PAN3: variants seen among roughly 807,000 people sequenced by gnomAD.
The protein encoded by PAN3 is PAN2-PAN3 deadenylation complex subunit PAN3.
In PAN3, 19 loss-of-function variants were observed where a neutral mutation model predicts 96.2. The ratio of observed to expected loss-of-function variants is 0.20; its 90% CI spans 0.14 to 0.29. The LOEUF (loss-of-function observed/expected upper bound fraction) is 0.29, where lower values mean the gene tolerates loss of function less well. Ranked by LOEUF, PAN3 falls within the 10% of genes least tolerant of loss-of-function variation. The pLI, the probability that PAN3 is intolerant of heterozygous loss-of-function variation, is 1.00. For missense variants in PAN3, 882 were observed against 1,108.1 expected, an observed-to-expected ratio of 0.80 and a Z score of 2.90; for synonymous variants, 433 against 406.6, an observed-to-expected ratio of 1.06 and a Z score of -0.78.
At chr13:28,165,632 T>C (rs1407760284) in intron 1 of PAN3, among the ~76,000 whole-genome samples, 2 of 152,210 alleles carry the variant, frequency 1.3e-5, no homozygotes, top group African/African-American at 2.4e-5. Context: ...AATTTCTTAT[T>C]ATTCTATAGT....
intron 4 of PAN3, among the ~76,000 whole-genome samples, chr13:28,187,786 G>A (rs1484128731): frequency 6.6e-6 from 1 of 152,070 alleles, no homozygotes; most frequent in Non-Finnish European, 1.5e-5. Context: ...TTCAAACTCC[G>A]ACTTCAAGTG....
intron 1 of PAN3, among the ~76,000 whole-genome samples, chr13:28,141,067 G>A (rs534487616): frequency 1.4e-3 from 208 of 147,418 alleles, no homozygotes; most frequent in Middle Eastern, 7.2e-3. Context: ...GCAGTGGTGC[G>A]ATCTCGGCTC....
At chr13:28,198,679 A>G (rs1296812222) in intron 5 of PAN3, among the ~76,000 whole-genome samples, 1 of 152,208 alleles carries the variant, frequency 6.6e-6, no homozygotes, top group Non-Finnish European at 1.5e-5. Context: ...CCAAATTTCA[A>G]TTTAGCCAGA....
At chr13:28,199,872 C>G (rs1402024910) in intron 5 of PAN3, among the ~76,000 whole-genome samples, 1 of 152,124 alleles carries the variant, frequency 6.6e-6, no homozygotes, top group African/African-American at 2.4e-5. Flanking sequence ...TAGGTCCTCT[C>G]AATCCTAGGG....
intron 1 of PAN3, among the ~76,000 whole-genome samples, chr13:28,169,398 G>T (rs112152755): frequency 0.17 from 24,848 of 150,524 alleles, 3,842 homozygotes; most frequent in African/African-American, 0.41. Flanking sequence ...CCTGGCTAAT[G>T]CTTGTATTTT....
Position 28,281,456 on chromosome 13 carries a change from C to G in PAN3, c.2384+77C>G. On this transcript the variant is annotated intron_variant, in intron 17 of 18. Coordinates refer to ENST00000380958, the MANE Select transcript of PAN3 (RefSeq NM_175854.8). ...GCATAATAAGAATAAGTATGCCTGGCTTTATTTGGAAAAAGAGAAAAATTC... is the reference window on the plus strand; with the variant it reads ...GCATAATAAGAATAAGTATGCCTGGGTTTATTTGGAAAAAGAGAAAAATTC... 5.4e-6 allele frequency: 7 copies of G among 1,286,932 alleles called. No homozygotes were observed. The South Asian group carries it at 6.4e-5, about 12-fold the overall frequency. 79.7% of individuals were successfully genotyped at this position (1,286,932 alleles called of 1,614,324 possible).
chr13:28,222,897 T>A (rs375664218), intron 6 of PAN3, among the ~76,000 whole-genome samples: 3 of 152,316 alleles, frequency 2.0e-5, no homozygotes, highest in African/African-American at 7.2e-5. Flanking sequence ...TTAAATACTT[T>A]GACACTTATG....
At chr13:28,141,005 T>TTTTATTTA (rs1334015794) in intron 1 of PAN3, among the ~76,000 whole-genome samples, 151 of 136,910 alleles carry the variant, frequency 1.1e-3, no homozygotes, top group African/African-American at 3.3e-3. Context: ...AAGAGACACT[T>TTTTATTTA]TTTTTTTTTT....
chr13:28,276,171 TGGGACGAG>T (rs1257453770), intron 14 of PAN3, among the ~76,000 whole-genome samples: 10 of 152,172 alleles, frequency 6.6e-5, no homozygotes, highest in African/African-American at 2.4e-4. Context: ...ATACCAAAAT[TGGGACGAG>T]GGGATGGCTA....
At chr13:28,232,073 A>G (rs538720191) in intron 6 of PAN3, among the ~76,000 whole-genome samples, 1 of 152,294 alleles carries the variant, frequency 6.6e-6, no homozygotes, top group Admixed American at 6.5e-5. Context: ...CTTTATATTT[A>G]CCCAAAAGTG....
intron 14 of PAN3, among the ~76,000 whole-genome samples, chr13:28,273,714 A>G (rs748759830): frequency 2.6e-5 from 4 of 152,214 alleles, no homozygotes; most frequent in South Asian, 2.1e-4. Context: ...ATAGGCAGCT[A>G]TGATTTTAAG....
chr13:28,199,024 A>G (rs1878396964), intron 5 of PAN3, among the ~76,000 whole-genome samples: 3 of 152,232 alleles, frequency 2.0e-5, no homozygotes, highest in Non-Finnish European at 1.5e-5. Context: ...ATATGCTTCA[A>G]ATTTCATTGG....
At chr13:28,220,189 G>T in intron 5 of PAN3, 42 bp from the exon 6 acceptor site, 2 of 1,562,552 alleles carry the variant, frequency 1.3e-6, no homozygotes, top group Non-Finnish European at 1.7e-6. Flanking sequence ...GTCTTTTTTC[G>T]GCTTAAAGTG....
rs187308107 is a variant in PAN3 at position 28,139,228 on chromosome 13, G to A, written c.430+141G>A. 80 of 993,998 alleles carry A rather than the reference G, an allele frequency of 8.0e-5. 1 individual carries two copies. In the Admixed American group the frequency reaches 3.1e-3, roughly 39 times the overall value. 61.6% of individuals were successfully genotyped at this position (993,998 alleles called of 1,614,324 possible). ...AAGGCGGTCTGAGAGGCCTAGGCCGGGCCTGAGCCCTCCTTCCTTCTTCCT... is the reference window on the plus strand; with the variant it reads ...AAGGCGGTCTGAGAGGCCTAGGCCGAGCCTGAGCCCTCCTTCCTTCTTCCT... On this transcript the variant is annotated intron_variant, in intron 1 of 18. Coordinates refer to ENST00000380958, the MANE Select transcript of PAN3 (RefSeq NM_175854.8).
intron 5 of PAN3, chr13:28,215,544 A>G (rs1297776532): frequency 2.9e-6 from 2 of 692,980 alleles, no homozygotes; most frequent in South Asian, 1.7e-5. Context: ...CTCAGTGATT[A>G]TTCTGAACCA....
At chr13:28,246,304 T>G (rs1384332273) in intron 6 of PAN3, among the ~76,000 whole-genome samples, 1 of 151,948 alleles carries the variant, frequency 6.6e-6, no homozygotes, top group Non-Finnish European at 1.5e-5. Flanking sequence ...ACTAGACCTG[T>G]TTTTTTTAAA....
intron 15 of PAN3, 38 bp from the exon 16 acceptor site, chr13:28,280,374 G>GTAA (rs1887370453): frequency 6.4e-7 from 1 of 1,574,136 alleles, no homozygotes; most frequent in South Asian, 1.2e-5. Flanking sequence ...TAAATTGCAT[G>GTAA]TTGGACATCC....
intron 5 of PAN3, among the ~76,000 whole-genome samples, chr13:28,212,657 A>G (rs1476900674): frequency 6.6e-6 from 1 of 152,246 alleles, no homozygotes; most frequent in Non-Finnish European, 1.5e-5. Flanking sequence ...TAGATAAGAA[A>G]TCCAAATCAG....
chr13:28,185,027 AATAAC>A (rs1388337894), intron 4 of PAN3, among the ~76,000 whole-genome samples: 4 of 152,164 alleles, frequency 2.6e-5, no homozygotes, highest in African/African-American at 9.7e-5. Context: ...TTTTTGTTAA[AATAAC>A]ATGGAAATCT....
Sources: allele counts gnomAD v4.1 joint callset (sites outside exome capture counted in the v4.1 genomes callset), GRCh38; gene constraint gnomAD v4.1.1; transcripts MANE v1.5; gene names NCBI Gene and HGNC (gene_info 2026-07-23, HGNC 2026-07-21).